Variants in PTH2R observed in about 807,000 individuals in gnomAD.
The protein encoded by PTH2R is parathyroid hormone 2 receptor, also known as PTH2 receptor.
Under a neutral mutation model 60.3 loss-of-function variants are expected in PTH2R, and 59 were observed. That is an observed-to-expected ratio of 0.98 (90% confidence interval 0.79 to 1.22). The LOEUF (loss-of-function observed/expected upper bound fraction) is 1.22, where lower values mean the gene tolerates loss of function less well. PTH2R is among the 50% of genes most tolerant of loss of function. PTH2R has a pLI of 0.00. For synonymous variants in PTH2R, 256 were observed against 243.8 expected (o/e 1.05, Z -0.47); for missense variants, 749 against 682.6 (o/e 1.10, Z -1.08).
In PTH2R at chr2:208,453,257, T is replaced by C. The variant is rs1422899193; in HGVS notation, c.914+2448T>C. On this transcript the variant is annotated intron_variant, in intron 8 of 12. Coordinates refer to ENST00000272847, the MANE Select transcript of PTH2R (RefSeq NM_005048.4). ...GACATATAAGCTCATGCCTGTGTAT[T>C]TGTATTGCATGTATACATGCAGTGT... is the stretch of plus-strand genomic sequence containing the variant. Among the ~76,000 whole-genome samples the C allele has an allele frequency of 7.9e-5, 12 of 152,206 alleles. 1 individual carries two copies. The highest frequency in any genetic ancestry group is 7.9e-4 in the Admixed American group (12 of 15,284).
intron 1 of PTH2R, among the ~76,000 whole-genome samples, chr2:208,427,800 G>A (rs2105853896): frequency 6.6e-6 from 1 of 151,116 alleles, no homozygotes; most frequent in African/African-American, 2.4e-5. Context: ...CATGTTAGAT[G>A]GAATTATAAT....
intron 1 of PTH2R, chr2:208,361,017 C>A: frequency 4.5e-6 from 1 of 221,882 alleles, no homozygotes; most frequent in South Asian, 7.5e-5. Context: ...ACTTGCACAC[C>A]CACCAGTTAT....
Position 208,437,869 on chromosome 2 carries a change from C to T in PTH2R, c.399C>T (p.Ile133=). 6.2e-7 allele frequency: 1 copy of T among 1,613,422 alleles called. No homozygotes were observed. The highest frequency in any genetic ancestry group is 8.5e-7 in the Non-Finnish European group (1 of 1,179,506). ...GCCTTCGCTTTCTGCAGCCAGATAT[C>T]AGCATAGGAAAGGTAATGGAATTTC... ...SDCLRFLQPD[I]SIGKQEFFER... Residue 133 remains isoleucine (I), a synonymous_variant, in exon 4 of 13, where the codon ATC becomes ATT. Coordinates refer to ENST00000272847, the MANE Select transcript of PTH2R (RefSeq NM_005048.4).
chr2:208,481,072 G>A lies in PTH2R; in HGVS notation c.984G>A (p.Leu328=), dbSNP rs1438966631. 1.3e-6 allele frequency: 2 copies of A among 1,591,606 alleles called. No individual in the cohort carries two copies. The highest frequency in any genetic ancestry group is 2.2e-5 in the East Asian group (1 of 44,658). Residue 328 remains leucine, a splice_region_variant and synonymous_variant, in exon 10 of 13, where the codon CTG becomes CTA. Coordinates refer to ENST00000272847, the MANE Select transcript of PTH2R (RefSeq NM_005048.4). ...TGTAATCTTACCTTCTTTTTCAGCT[G>A]AATTTTATTCTGTTTCTGAATACGG... ...YQAPILAAIG[L]NFILFLNTVR... is the part of the protein sequence containing the mutation.
intron 10 of PTH2R, among the ~76,000 whole-genome samples, chr2:208,481,942 T>C (rs1466189664): frequency 6.6e-6 from 1 of 152,258 alleles, no homozygotes; most frequent in East Asian, 1.9e-4. Context: ...GTGATTATTA[T>C]CAAACTATCT....
intron 12 of PTH2R, 107 bp from the exon 13 acceptor site, chr2:208,493,157 C>T (rs747701768): frequency 1.1e-5 from 13 of 1,210,756 alleles, no homozygotes; most frequent in Non-Finnish European, 1.4e-5. Flanking sequence ...AGAGGAACCT[C>T]AATCAATGAT....
intron 1 of PTH2R, among the ~76,000 whole-genome samples, chr2:208,421,886 C>T (rs760038009): frequency 6.6e-6 from 1 of 152,198 alleles, no homozygotes; most frequent in Non-Finnish European, 1.5e-5. Flanking sequence ...TCAGTTTTCT[C>T]TCAGACTACG....
In PTH2R at chr2:208,478,542, C is replaced by T. The variant is rs374367209; in HGVS notation, c.982-2528C>T. Among the ~76,000 whole-genome samples, 9 of 152,314 alleles carry T rather than the reference C, an allele frequency of 5.9e-5. No homozygotes were observed. The South Asian group carries it at 8.3e-4, about 14-fold the overall frequency. ...GTCTTTGTTCTTTTTCCCTCCCTTT[C>T]GGAGGATTCTTCAGGTGTCTCCTAA... On this transcript the variant is annotated intron_variant, in intron 9 of 12. Transcript: ENST00000272847.
At chr2:208,409,459 G>T (rs566843329) in intron 1 of PTH2R, among the ~76,000 whole-genome samples, 1 of 152,244 alleles carries the variant, frequency 6.6e-6, no homozygotes, top group South Asian at 2.1e-4. Flanking sequence ...TGAGAGACAA[G>T]GTATTTATGA....
At chr2:208,437,945 T>A in intron 4 of PTH2R, 64 bp downstream of exon 4, 1 of 1,556,680 alleles carries the variant, frequency 6.4e-7, no homozygotes, top group Non-Finnish European at 8.8e-7. Flanking sequence ...AATGCAATTC[T>A]CAATTGCCAG....
In PTH2R at chr2:208,437,601, A is replaced by G. The variant is rs373395842; in HGVS notation, c.243A>G (p.Ile81Met). ...ICWPRGTVGK[I>M]SAVPCPPYIY... The stretch of plus-strand genomic sequence containing the variant: ...GGCCCAGAGGAACAGTGGGGAAAAT[A>G]TCGGCTGTTCCATGCCCTCCTTATA... Residue 81 changes from isoleucine to methionine, a missense_variant, in exon 3 of 13, where the codon ATA becomes ATG. By Grantham distance (10) the Ile-to-Met change is conservative. Transcript: ENST00000272847. 6.2e-6 allele frequency: 10 copies of G among 1,613,788 alleles called. No individual in the cohort carries two copies. The highest frequency in any genetic ancestry group is 8.5e-6 in the Non-Finnish European group (10 of 1,179,914).
intron 5 of PTH2R, among the ~76,000 whole-genome samples, chr2:208,442,672 AC>A (rs1478918245): frequency 6.6e-6 from 1 of 152,234 alleles, no homozygotes; most frequent in East Asian, 1.9e-4. Context: ...GTAGTATGAA[AC>A]CTTTAACCCA....
chr2:208,441,927 A>C (rs1481738775), intron 4 of PTH2R, among the ~76,000 whole-genome samples: 2 of 152,208 alleles, frequency 1.3e-5, no homozygotes, highest in African/African-American at 4.8e-5. Flanking sequence ...TTTTGAATCT[A>C]TAATTATTTT....
intron 9 of PTH2R, among the ~76,000 whole-genome samples, chr2:208,460,818 T>C (rs1239640734): frequency 1.3e-5 from 2 of 152,146 alleles, no homozygotes; most frequent in Non-Finnish European, 2.9e-5. Context: ...ATCTTGATAA[T>C]AAATGTTAAA....
intron 1 of PTH2R, among the ~76,000 whole-genome samples, chr2:208,365,929 A>T (rs868052254): frequency 5.0e-4 from 22 of 43,734 alleles, no homozygotes; most frequent in African/African-American, 1.1e-3. Flanking sequence ...ATAATAGATA[A>T]ATATATATAT....
chr2:208,459,154 G>A (rs1446420176), intron 8 of PTH2R, among the ~76,000 whole-genome samples: 1 of 152,078 alleles, frequency 6.6e-6, no homozygotes, highest in Non-Finnish European at 1.5e-5. Flanking sequence ...ATTCTAACTG[G>A]TGTGAGATGA....
chr2:208,489,613 T>G (rs1396476610), intron 11 of PTH2R, among the ~76,000 whole-genome samples: 1 of 152,192 alleles, frequency 6.6e-6, no homozygotes, highest in African/African-American at 2.4e-5. Flanking sequence ...GATTACTCTT[T>G]GTCCTGCTTA....
intron 7 of PTH2R, among the ~76,000 whole-genome samples, chr2:208,449,092 T>C (rs1247742589): frequency 2.0e-5 from 3 of 152,082 alleles, no homozygotes; most frequent in Non-Finnish European, 4.4e-5. Flanking sequence ...GATGTGAAAA[T>C]TGATGAAAGA....
At chr2:208,475,268 T>C (rs1238998892) in intron 9 of PTH2R, among the ~76,000 whole-genome samples, 1 of 152,216 alleles carries the variant, frequency 6.6e-6, no homozygotes, top group African/African-American at 2.4e-5. Flanking sequence ...ACTAATTTAA[T>C]GACATATCTT....
Sources: allele counts gnomAD v4.1 joint callset (sites outside exome capture counted in the v4.1 genomes callset), GRCh38; gene constraint gnomAD v4.1.1; transcripts MANE v1.5; gene names NCBI Gene and HGNC (gene_info 2026-07-23, HGNC 2026-07-21).